MIA2: variants seen among roughly 807,000 people sequenced by gnomAD.
MIA2 encodes the protein melanoma inhibitory activity protein 2.
In MIA2, 127 loss-of-function variants were observed where a neutral mutation model predicts 167.8. The observed-to-expected ratio is 0.76, with a 90% CI of 0.66 to 0.88. MIA2 has a LOEUF of 0.88. Among genes scored for constraint, MIA2 ranks in the 40% least tolerant of loss-of-function variants. MIA2 has a pLI of 0.00. For missense variants in MIA2, 1,690 were observed against 1,624.7 expected (o/e 1.04, Z -0.69); for synonymous variants, 552 against 541.9 (o/e 1.02, Z -0.26).
At chr14:39,291,602 A>C (rs1432489730) in intron 10 of MIA2, among the ~76,000 whole-genome samples, 1 of 152,148 alleles carries the variant, frequency 6.6e-6, no homozygotes, top group Non-Finnish European at 1.5e-5. Context: ...ATGTTTGACA[A>C]CTTTTTTTTT....
At chr14:39,368,198 G>T (rs1567054517) in intron 23 of MIA2, among the ~76,000 whole-genome samples, 1 of 152,152 alleles carries the variant, frequency 6.6e-6, no homozygotes, top group South Asian at 2.1e-4. Context: ...AGGATTAAGG[G>T]GCGAGAGAGC....
chr14:39,326,207 G>A (rs1267267013), intron 24 of MIA2, among the ~76,000 whole-genome samples: 1 of 152,120 alleles, frequency 6.6e-6, no homozygotes, highest in Non-Finnish European at 1.5e-5. Flanking sequence ...CAGAACTTAT[G>A]AATTCTTCTT....
chr14:39,306,980 A>T (rs1461759658), intron 17 of MIA2, among the ~76,000 whole-genome samples: 12 of 152,180 alleles, frequency 7.9e-5, no homozygotes, highest in Admixed American at 7.9e-4. Flanking sequence ...TTTTTATTTT[A>T]TAGATTTTTT....
At chr14:39,301,017 TACAC>T (rs1173636900) in intron 14 of MIA2, among the ~76,000 whole-genome samples, 21 of 144,016 alleles carry the variant, frequency 1.5e-4, no homozygotes, top group African/African-American at 4.9e-4. Flanking sequence ...TACACATATA[TACAC>T]ACATATATAC....
chr14:39,267,865 CTG>C (rs2056260824), intron 6 of MIA2, among the ~76,000 whole-genome samples: 1 of 152,190 alleles, frequency 6.6e-6, no homozygotes, highest in South Asian at 2.1e-4. Flanking sequence ...GTTCCTTCGA[CTG>C]TGAGAAACTT....
chr14:39,247,293 A>C lies in MIA2; in HGVS notation c.719A>C (p.Glu240Ala), dbSNP rs1296028811. The C allele has an allele frequency of 1.2e-6, 2 of 1,613,780 alleles. No individual in the cohort carries two copies. The highest frequency in any genetic ancestry group is 1.7e-6 in the Non-Finnish European group (2 of 1,179,950). Residue 240 changes from glutamate to alanine, a missense_variant, in exon 4 of 29, where the codon GAA becomes GCA. Physicochemically the swap from Glu to Ala is moderately radical, Grantham distance 107. Coordinates refer to ENST00000640607, the MANE Select transcript of MIA2 (RefSeq NM_001329214.4). ...GGEQAEEKAF[E>A]SVIEPVQESS... ...GAACAAGCTGAAGAGAAGGCTTTTG[A>C]ATCAGTTATTGAACCTGTACAAGAA... is the stretch of plus-strand genomic sequence containing the variant.
At chr14:39,367,699 T>C (rs1189423444) in intron 23 of MIA2, among the ~76,000 whole-genome samples, 1 of 152,202 alleles carries the variant, frequency 6.6e-6, no homozygotes, top group Non-Finnish European at 1.5e-5. Context: ...TCTTAGGTGA[T>C]CTATTCAAAG....
At chr14:39,331,585 T>C (rs1197526660) in intron 25 of MIA2, among the ~76,000 whole-genome samples, 17 of 152,228 alleles carry the variant, frequency 1.1e-4, no homozygotes, top group Admixed American at 1.3e-4. Context: ...GTTTTTGCAG[T>C]GGCTGGTAGC....
chr14:39,260,306 A>G (rs574624896), intron 6 of MIA2, among the ~76,000 whole-genome samples: 1 of 152,190 alleles, frequency 6.6e-6, no homozygotes, highest in Non-Finnish European at 1.5e-5. Flanking sequence ...TGGTTGAACT[A>G]GTTTACAGTC....
chr14:39,339,727 A>T (rs916525875), intron 25 of MIA2, among the ~76,000 whole-genome samples: 1 of 152,240 alleles, frequency 6.6e-6, no homozygotes, highest in African/African-American at 2.4e-5. Context: ...TATACTGTCC[A>T]GTACAGTAGC....
At position 39,247,835 on chromosome 14, in the gene MIA2, C is replaced by T. The variant is rs2054380582; in HGVS notation, c.1261C>T (p.Pro421Ser). The change falls in exon 4 of 29, where the codon CCT becomes TCT. Residue 421 changes from proline to serine, a missense_variant. By Grantham distance (74) the Pro-to-Ser change is moderately conservative. Coordinates refer to ENST00000640607, the MANE Select transcript of MIA2 (RefSeq NM_001329214.4). ...HEHPLTSELD[P>S]EKEQEIETIK... ...ACATCCTCTAACAAGTGAATTAGAC[C>T]CTGAAAAAGAACAAGAAATAGAAAC... The T allele has an allele frequency of 6.3e-7, 1 of 1,590,622 alleles. No homozygotes were observed. The highest frequency in any genetic ancestry group is 2.2e-5 in the East Asian group (1 of 44,752).
chr14:39,292,660 GTTTA>G (rs1323318348), intron 10 of MIA2: 4 of 311,482 alleles, frequency 1.3e-5, no homozygotes, highest in Admixed American at 9.7e-5. Context: ...GAATCTTTTG[GTTTA>G]TTTTTCTTTA....
At position 39,288,470 on chromosome 14, in the gene MIA2, T is replaced by TTG. The variant is rs1566748607; in HGVS notation, c.2131-2549_2131-2548insTG. 3.6e-4 allele frequency among the ~76,000 whole-genome samples: 15 copies of TTG among 41,624 alleles called. 4 individuals carry two copies. Among genetic ancestry groups the TTG allele is most frequent in the African/African-American group, 2.2e-3 (15 of 6,736 alleles). The allele number at this position is 41,624 out of a possible 152,430, so 27.3% of individuals were successfully genotyped here. A position where few individuals can be genotyped will look rare whatever the true frequency, so the allele number is the denominator to read the frequency against. The stretch of plus-strand genomic sequence containing the variant: ...ATATATATATATATATATATATATA[T>TTG]ATATATTTTTTTTTTTTTTTTTGAG... On this transcript the variant is annotated intron_variant, in intron 9 of 28. Coordinates refer to ENST00000640607, the MANE Select transcript of MIA2 (RefSeq NM_001329214.4).
intron 13 of MIA2, among the ~76,000 whole-genome samples, chr14:39,298,554 T>TTTTTTTTTTTTG (rs2061870028): frequency 6.9e-6 from 1 of 143,964 alleles, no homozygotes; most frequent in African/African-American, 2.5e-5. Flanking sequence ...TTTTTTTTTT[T>TTTTTTTTTTTTG]GTGAGCAACA....
chr14:39,259,698 GTTTTTT>G (rs10556014), intron 6 of MIA2, among the ~76,000 whole-genome samples: 8 of 115,372 alleles, frequency 6.9e-5, no homozygotes, highest in African/African-American at 2.8e-4. Flanking sequence ...GCCTGGCTAG[GTTTTTT>G]TTTTTTTTTT....
chr14:39,267,652 G>T (rs543128509), intron 6 of MIA2: 8 of 1,096,900 alleles, frequency 7.3e-6, no homozygotes, highest in Non-Finnish European at 9.0e-6. Flanking sequence ...CTCGTCTGCT[G>T]CCCGGCTCCC....
intron 16 of MIA2, among the ~76,000 whole-genome samples, 184 bp from the exon 17 acceptor site, chr14:39,304,107 G>T (rs912864574): frequency 1.3e-5 from 2 of 152,076 alleles, no homozygotes; most frequent in Non-Finnish European, 2.9e-5. Context: ...AAGCATTGAC[G>T]ACTTTGCTGG....
chr14:39,248,199 T>A, intron 4 of MIA2, 58 bp downstream of exon 4: 1 of 1,200,050 alleles, frequency 8.3e-7, no homozygotes, highest in South Asian at 2.5e-5. Flanking sequence ...AATTTATTTT[T>A]ATAAGTGCAA....
intron 25 of MIA2, among the ~76,000 whole-genome samples, chr14:39,327,950 A>G (rs568666426): frequency 6.6e-6 from 1 of 152,352 alleles, no homozygotes; most frequent in South Asian, 2.1e-4. Flanking sequence ...GTGTCTTTAT[A>G]GTAGAATGAT....
Sources: gnomAD v4.1 joint callset for allele counts (sites outside exome capture counted in the v4.1 genomes callset) on GRCh38, gnomAD v4.1.1 for gene constraint, MANE v1.5 for transcripts, NCBI Gene and HGNC (gene_info 2026-07-23, HGNC 2026-07-21) for gene names.